The following GABBR2 variants were observed in gnomAD, a reference collection of about 807,000 sequenced individuals.
GABBR2 encodes the protein gamma-aminobutyric acid type B receptor subunit 2.
GABBR2 carries 23 observed loss-of-function variants against 105.6 expected under a neutral mutation model. The observed-to-expected ratio is 0.22, with a 90% CI of 0.16 to 0.31. The LOEUF is 0.31. GABBR2 is among the 10% of genes least tolerant of loss of function. GABBR2 has a pLI of 1.00. For synonymous variants in GABBR2, 478 were observed against 499.7 expected, an observed-to-expected ratio of 0.96 and a Z score of 0.58; for missense variants, 734 against 1,245.5, an observed-to-expected ratio of 0.59 and a Z score of 6.18.
rs1554723458 is a variant in GABBR2 at position 98,648,116 on chromosome 9, T to TATAGATAGATAGATAGATAG, written c.321+60281_321+60300dup. 9.2e-3 allele frequency among the ~76,000 whole-genome samples: 513 copies of TATAGATAGATAGATAGATAG among 55,936 alleles called. 12 individuals carry two copies. Among genetic ancestry groups the TATAGATAGATAGATAGATAG allele is most frequent in the South Asian group, 0.03 (32 of 1,078 alleles). The allele number at this position is 55,936 out of a possible 152,430, so 36.7% of individuals were successfully genotyped here. On this transcript the variant is annotated intron_variant, in intron 1 of 18. Coordinates refer to ENST00000259455, the MANE Select transcript of GABBR2 (RefSeq NM_005458.8). The stretch of plus-strand genomic sequence containing the variant: ...GTGTGTGTGTGTGTGTGTGTGTGTG[T>TATAGATAGATAGATAGATAG]ATAGATAGATAGATAGATAGATAGA...
chr9:98,344,815 A>G (rs1831276758), intron 13 of GABBR2, among the ~76,000 whole-genome samples: 2 of 151,970 alleles, frequency 1.3e-5, no homozygotes, highest in African/African-American at 4.8e-5. Context: ...TCATGACTCT[A>G]TCCTCAATGT....
At chr9:98,594,540 C>A (rs1829202900) in intron 1 of GABBR2, among the ~76,000 whole-genome samples, 1 of 152,174 alleles carries the variant, frequency 6.6e-6, no homozygotes, top group African/African-American at 2.4e-5. Flanking sequence ...GGGTGGGGCC[C>A]AGGGAAGGTT....
rs532332430 is a variant in GABBR2 at position 98,671,620 on chromosome 9, CG to C, written c.321+36796del. 2.3e-4 allele frequency among the ~76,000 whole-genome samples: 35 copies of C among 152,286 alleles called. No homozygotes were observed. The East Asian group carries it at 6.6e-3, about 29-fold the overall frequency. ...TTACATTCCCACATGGAATGAACAA[CG>C]GTTCCAGTCTCTCTACATCCTCACC... On this transcript the variant is annotated intron_variant, in intron 1 of 18. Coordinates refer to ENST00000259455, the MANE Select transcript of GABBR2 (RefSeq NM_005458.8).
At chr9:98,529,572 TGTTTTCCAA>T (rs1828026064) in intron 3 of GABBR2, among the ~76,000 whole-genome samples, 1 of 152,256 alleles carries the variant, frequency 6.6e-6, no homozygotes, top group Non-Finnish European at 1.5e-5. Context: ...TGCTCTTTTG[TGTTTTCCAA>T]GTTTTCTGCA....
intron 3 of GABBR2, among the ~76,000 whole-genome samples, chr9:98,528,613 A>AG (rs1286766535): frequency 2.7e-5 from 4 of 148,134 alleles, no homozygotes; most frequent in Non-Finnish European, 6.0e-5. Context: ...CTTATAAATC[A>AG]GTAAAAAAAA....
chr9:98,352,213 G>A (rs1318822872), intron 13 of GABBR2, among the ~76,000 whole-genome samples: 1 of 152,234 alleles, frequency 6.6e-6, no homozygotes, highest in Non-Finnish European at 1.5e-5. Flanking sequence ...GCCCCTGGGT[G>A]GCATGTAGGG....
rs1033665845 is a variant in GABBR2, at chr9:98,289,984, T to A, written c.*600A>T. 6.6e-6 allele frequency: 1 copy of A among 152,414 alleles called. No individual in the cohort carries two copies. Among genetic ancestry groups the A allele is most frequent in the Non-Finnish European group, 1.5e-5 (1 of 68,140 alleles). The allele number at this position is 152,414 out of a possible 1,614,324, so 9.4% of individuals were successfully genotyped here. ...GAGCATGTAAGTCAGCCTGCTCCAGTGCCGCAGCCCTCGGCCTGCCTGCTC... is the reference window on the plus strand; with the variant it reads ...GAGCATGTAAGTCAGCCTGCTCCAGAGCCGCAGCCCTCGGCCTGCCTGCTC... On this transcript the variant is annotated 3_prime_UTR_variant, in exon 19 of 19. Coordinates refer to ENST00000259455, the MANE Select transcript of GABBR2 (RefSeq NM_005458.8).
chr9:98,597,787 G>A (rs1829259628), intron 1 of GABBR2, among the ~76,000 whole-genome samples: 1 of 152,124 alleles, frequency 6.6e-6, no homozygotes, highest in South Asian at 2.1e-4. Context: ...AGGGAAGAGA[G>A]TATTCACTTA....
chr9:98,333,482 G>A (rs762214791), intron 13 of GABBR2, among the ~76,000 whole-genome samples: 7 of 152,066 alleles, frequency 4.6e-5, no homozygotes, highest in African/African-American at 7.2e-5. Context: ...TCCAGCTCCC[G>A]GTGGCCCCAG....
At chr9:98,580,946 T>C (rs1261624090) in intron 1 of GABBR2, 1 of 152,218 alleles carries the variant, frequency 6.6e-6, no homozygotes, top group Non-Finnish European at 1.5e-5. Context: ...GACCGCTATA[T>C]GGGAGCAGAG....
intron 13 of GABBR2, among the ~76,000 whole-genome samples, chr9:98,335,511 A>C (rs1831098097): frequency 6.6e-6 from 1 of 152,138 alleles, no homozygotes; most frequent in Non-Finnish European, 1.5e-5. Context: ...ACCCATGGCA[A>C]CTTTAAAAAA....
chr9:98,436,763 G>C (rs982287591), intron 7 of GABBR2, among the ~76,000 whole-genome samples: 2 of 151,980 alleles, frequency 1.3e-5, no homozygotes, highest in African/African-American at 4.8e-5. Context: ...CAACTGGAAC[G>C]TTTCTCAAAA....
rs767779805 is a variant in GABBR2, at chr9:98,447,533, ATGTATGTG to A, written c.1236+6440_1236+6447del. 6.8e-3 allele frequency among the ~76,000 whole-genome samples: 714 copies of A among 105,056 alleles called. 4 individuals carry two copies. The highest frequency in any genetic ancestry group is 0.011 in the South Asian group (34 of 3,146). The allele number at this position is 105,056 out of a possible 152,430, so 68.9% of individuals were successfully genotyped here. ...TCTAACAAGATGATATGTAACTAGTATGTATGTGTGTGTGTGTGTGTGTGTGTGTGTGT... is the reference window on the plus strand; with the variant it reads ...TCTAACAAGATGATATGTAACTAGTATGTGTGTGTGTGTGTGTGTGTGTGT... On this transcript the variant is annotated intron_variant, in intron 7 of 18. Transcript: ENST00000259455.
chr9:98,539,298 C>T (rs1828243743), intron 3 of GABBR2, among the ~76,000 whole-genome samples: 1 of 152,200 alleles, frequency 6.6e-6, no homozygotes, highest in Non-Finnish European at 1.5e-5. Flanking sequence ...CAACCAATGT[C>T]AGGGCTCACA....
chr9:98,670,187 CAAAGTGT>C (rs1264760437), intron 1 of GABBR2, among the ~76,000 whole-genome samples: 3 of 152,022 alleles, frequency 2.0e-5, no homozygotes, highest in African/African-American at 7.3e-5. Flanking sequence ...ATTACCCCTT[CAAAGTGT>C]ACAATTCAAT....
intron 3 of GABBR2, among the ~76,000 whole-genome samples, chr9:98,515,576 T>A (rs1282998997): frequency 6.6e-6 from 1 of 152,176 alleles, no homozygotes; most frequent in South Asian, 2.1e-4. Context: ...GGCTTCAGAT[T>A]TGGGGTGTGG....
At chr9:98,371,677 T>C (rs1831785701) in intron 11 of GABBR2, 106 bp from the exon 12 acceptor site, 1 of 670,676 alleles carries the variant, frequency 1.5e-6, no homozygotes, top group East Asian at 2.7e-5. Flanking sequence ...GGACAAATAC[T>C]CCCCTCTGCA....
intron 1 of GABBR2, among the ~76,000 whole-genome samples, chr9:98,626,150 C>T (rs998046122): frequency 1.3e-5 from 2 of 152,172 alleles, no homozygotes; most frequent in African/African-American, 4.8e-5. Context: ...CGCAAAGGAC[C>T]ATATATTGTA....
chr9:98,648,112 T>TAGATA (rs1290908248), intron 1 of GABBR2, among the ~76,000 whole-genome samples: 621 of 49,834 alleles, frequency 0.012, 3 homozygotes, highest in African/African-American at 0.037. Flanking sequence ...TGTGTGTGTG[T>TAGATA]GTGTATAGAT....
Sources: allele counts gnomAD v4.1 joint callset (sites outside exome capture counted in the v4.1 genomes callset), GRCh38; gene constraint gnomAD v4.1.1; transcripts MANE v1.5; gene names NCBI Gene and HGNC (gene_info 2026-07-23, HGNC 2026-07-21).